NBN: variants seen among roughly 807,000 people sequenced by gnomAD.
The protein encoded by NBN is nibrin.
A neutral mutation model predicts 90.8 loss-of-function variants in NBN; 88 were observed. The ratio of observed to expected loss-of-function variants is 0.97; its 90% CI spans 0.82 to 1.16. The LOEUF is 1.16. NBN is among the 50% of genes most tolerant of loss of function. NBN has a pLI of 0.00. For missense variants in NBN, 894 were observed against 869.6 expected, an observed-to-expected ratio of 1.03 and a Z score of -0.35; for synonymous variants, 328 against 295.1, an observed-to-expected ratio of 1.11 and a Z score of -1.14.
chr8:89,938,615 A>G (rs1481684711), intron 14 of NBN, among the ~76,000 whole-genome samples: 3 of 152,170 alleles, frequency 2.0e-5, no homozygotes, highest in Non-Finnish European at 4.4e-5. Context: ...CAGATGGAAT[A>G]GCTGGGATTT....
chr8:89,947,949 A>G (rs1810275471), intron 11 of NBN, 57 bp from the exon 12 acceptor site: 1 of 1,071,234 alleles, frequency 9.3e-7, no homozygotes, highest in African/African-American at 1.6e-5. Flanking sequence ...GTATGTTTCT[A>G]TCACTTCTTG....
rs147660518 is a variant in NBN at position 89,970,441 on chromosome 8, T to A, written c.819A>T (p.Thr273=). 166 of 1,613,938 alleles carry A rather than the reference T, an allele frequency of 1.0e-4. No individual in the cohort carries two copies. The highest frequency in any genetic ancestry group is 1.3e-4 in the Non-Finnish European group (149 of 1,179,946). ...FLAPGTCVVD[T]GITNSQTLIP... The stretch of plus-strand genomic sequence containing the variant: ...TTAAGGTCTGTGAGTTTGTTATTCC[T>A]GTATCAACAACACACGTTCCCGGAG... The change falls in exon 7 of 16, where the codon ACA becomes ACT. Residue 273 remains threonine (T), a synonymous_variant. Transcript: ENST00000265433.
At chr8:89,961,186 TCTCTAAGGCC>T (rs1027234915) in intron 8 of NBN, among the ~76,000 whole-genome samples, 1 of 152,216 alleles carries the variant, frequency 6.6e-6, no homozygotes, top group Non-Finnish European at 1.5e-5. Context: ...GATTAGATGA[TCTCTAAGGCC>T]CTTTCAGCTA....
intron 5 of NBN, among the ~76,000 whole-genome samples, chr8:89,977,962 C>A (rs1271472344): frequency 2.0e-5 from 3 of 152,158 alleles, no homozygotes; most frequent in Non-Finnish European, 2.9e-5. Context: ...TACCTCAGTG[C>A]CATTTACTGT....
Position 89,970,540 on chromosome 8 carries a change from G to C in NBN, c.720C>G (p.Ser240=). 3 of 1,613,426 alleles carry C rather than the reference G, an allele frequency of 1.9e-6. No individual in the cohort carries two copies. Among genetic ancestry groups the C allele is most frequent in the Non-Finnish European group, 2.5e-6 (3 of 1,179,536 alleles). ...CTTCCCCACCTCCAAAGACAACTGC[G>C]GAACTCAATTTCTTATGCTAAAAAT... ...LNAKQHKKLS[S]AVVFGGGEAR... The change falls in exon 7 of 16, where the codon TCC becomes TCG. Residue 240 remains serine, a synonymous_variant. Transcript: ENST00000265433.
At chr8:89,958,948 G>T in intron 8 of NBN, 94 bp from the exon 9 acceptor site, 1 of 1,490,302 alleles carries the variant, frequency 6.7e-7, no homozygotes, top group Middle Eastern at 1.9e-4. Flanking sequence ...ACCATGCTGA[G>T]GGGATTAACT....
intron 7 of NBN, among the ~76,000 whole-genome samples, chr8:89,965,524 T>C (rs1439094406): frequency 6.6e-6 from 1 of 151,930 alleles, no homozygotes; most frequent in African/African-American, 2.4e-5. Context: ...AGACTTGCTC[T>C]TTCACCCAGG....
chr8:89,978,688 A>G (rs1811892672), intron 4 of NBN, among the ~76,000 whole-genome samples: 1 of 152,214 alleles, frequency 6.6e-6, no homozygotes, highest in Non-Finnish European at 1.5e-5. Context: ...GAATTGAGGA[A>G]ATGTAACATA....
chr8:89,946,319 G>A lies in NBN; in HGVS notation c.1915-24C>T, dbSNP rs201654255. 604 of 1,551,560 alleles carry A rather than the reference G, an allele frequency of 3.9e-4. 6 individuals carry two copies. The South Asian group carries it at 4.8e-3, about 12-fold the overall frequency. On this transcript the variant is annotated intron_variant, in intron 12 of 15. Transcript: ENST00000265433. ...TTCTTAAATGGGGTTAAGATGGATA[G>A]GTAAGAAAGAGAAGAAATAACAAAG...
chr8:89,949,516 T>C (rs1810346014), intron 11 of NBN, among the ~76,000 whole-genome samples: 1 of 152,110 alleles, frequency 6.6e-6, no homozygotes, highest in Non-Finnish European at 1.5e-5. Context: ...CTTGAGTCAG[T>C]TTTGCATTTT....
chr8:89,944,761 T>G (rs1324127305), intron 13 of NBN, among the ~76,000 whole-genome samples: 1 of 152,128 alleles, frequency 6.6e-6, no homozygotes, highest in Non-Finnish European at 1.5e-5. Flanking sequence ...TATATTTTTT[T>G]GTAGAGTTAG....
Position 89,984,607 on chromosome 8 carries a change from G to T in NBN, c.-46C>A, listed in dbSNP as rs751549166. 1.9e-6 allele frequency: 3 copies of T among 1,608,618 alleles called. No individual in the cohort carries two copies. Among genetic ancestry groups the T allele is most frequent in the East Asian group, 4.5e-5 (2 of 44,578 alleles). ...GGGGCCGACGTGCAACCGCGTAACC[G>T]GGGCTGCTAGACGAGCGCGGATACG... On this transcript the variant is annotated 5_prime_UTR_variant, in exon 1 of 16. Transcript: ENST00000265433.
chr8:89,976,272 C>T (rs1811753553), intron 5 of NBN, among the ~76,000 whole-genome samples: 1 of 152,168 alleles, frequency 6.6e-6, no homozygotes, highest in African/African-American at 2.4e-5. Context: ...CCAGGGCTGG[C>T]CTGCTTTCAT....
chr8:89,980,767 G>A lies in NBN; in HGVS notation c.447C>T (p.His149=), dbSNP rs868089138. The A allele has an allele frequency of 1.9e-6, 3 of 1,613,332 alleles. No homozygotes were observed. Among genetic ancestry groups the A allele is most frequent in the Non-Finnish European group, 2.5e-6 (3 of 1,179,504 alleles). ...TAACTTTCACTGATACCATGACAAG[G>A]TGAGTGCATTCTTCTGTCCAATTGT... ...TVNNWTEECT[H]LVMVSVKVTI... Residue 149 remains histidine (H), a synonymous_variant, in exon 4 of 16, where the codon CAC becomes CAT. Coordinates refer to ENST00000265433, the MANE Select transcript of NBN (RefSeq NM_002485.5).
intron 7 of NBN, among the ~76,000 whole-genome samples, chr8:89,969,077 T>A (rs1278896413): frequency 6.6e-6 from 1 of 152,198 alleles, no homozygotes; most frequent in East Asian, 1.9e-4. Context: ...ACAGGAAGAA[T>A]GAATCTTTGG....
Position 89,982,657 on chromosome 8 carries a change from C to A in NBN, c.171+65G>T, listed in dbSNP as rs1812123759. The A allele has an allele frequency of 2.2e-6, 3 of 1,394,712 alleles. No individual in the cohort carries two copies. In the South Asian group the frequency reaches 3.5e-5, roughly 16 times the overall value. The allele number at this position is 1,394,712 out of a possible 1,614,324, so 86.4% of individuals were successfully genotyped here. A position where few individuals can be genotyped will look rare whatever the true frequency, so the allele number is the denominator to read the frequency against. Reference sequence around the variant, plus strand: ...TGTGAACTCTCTCTCACATACAAACCAAGAGAATATTTTGTGATTTCAACC... The same window carrying A: ...TGTGAACTCTCTCTCACATACAAACAAAGAGAATATTTTGTGATTTCAACC... On this transcript the variant is annotated intron_variant, in intron 2 of 15. Coordinates refer to ENST00000265433, the MANE Select transcript of NBN (RefSeq NM_002485.5).
chr8:89,969,677 C>T (rs1811414954), intron 7 of NBN, among the ~76,000 whole-genome samples: 3 of 152,136 alleles, frequency 2.0e-5, no homozygotes, highest in Admixed American at 2.0e-4. Context: ...ATCGGCCGGG[C>T]GCAGTAGCTC....
At chr8:89,967,828 G>A (rs1214141753) in intron 7 of NBN, among the ~76,000 whole-genome samples, 2 of 152,168 alleles carry the variant, frequency 1.3e-5, no homozygotes, top group African/African-American at 4.8e-5. Context: ...ATGTTGCCCT[G>A]TTGAAGTTCG....
chr8:89,959,849 T>C (rs1810910757), intron 8 of NBN, among the ~76,000 whole-genome samples: 1 of 152,244 alleles, frequency 6.6e-6, no homozygotes, highest in African/African-American at 2.4e-5. Flanking sequence ...ATCTATAAAA[T>C]GAGAATAATT....
Sources: allele counts gnomAD v4.1 joint callset (sites outside exome capture counted in the v4.1 genomes callset), GRCh38; gene constraint gnomAD v4.1.1; transcripts MANE v1.5; gene names NCBI Gene and HGNC (gene_info 2026-07-23, HGNC 2026-07-21).